The following ARL3 variants were observed in gnomAD, a reference collection of about 807,000 sequenced individuals.
ARL3 encodes the protein ARF like GTPase 3.
Under a neutral mutation model 26.0 loss-of-function variants are expected in ARL3, and 9 were observed. The observed-to-expected ratio is 0.35, with a 90% CI of 0.21 to 0.60. The LOEUF is 0.60. Ranked by LOEUF, ARL3 falls within the 20% of genes least tolerant of loss-of-function variation. The pLI is 0.78. For missense variants in ARL3, 158 were observed against 215.7 expected (o/e 0.73, Z 1.67); for synonymous variants, 71 against 78.4 (o/e 0.91, Z 0.50).
At position 102,691,005 on chromosome 10, in the gene ARL3, AC is replaced by A. The variant is rs1434112370; in HGVS notation, c.265-1063del. Among the ~76,000 whole-genome samples, 5 of 151,314 alleles carry A rather than the reference AC, an allele frequency of 3.3e-5. No individual in the cohort carries two copies. The East Asian group carries it at 9.7e-4, about 29-fold the overall frequency. On this transcript the variant is annotated intron_variant, in intron 3 of 5. Transcript: ENST00000260746. ...TGAGTAGTTGAGATTACAGGCATGC[AC>A]CACCAGACACAGTTTAGAGAACCAT...
chr10:102,707,057 G>A (rs1387519709), intron 1 of ARL3, among the ~76,000 whole-genome samples: 1 of 152,086 alleles, frequency 6.6e-6, no homozygotes, highest in East Asian at 1.9e-4. Context: ...CACTTTGGGA[G>A]GCCAAGGCAG....
rs770491993 is a variant in ARL3 at position 102,685,993 on chromosome 10, C to T, written c.324G>A (p.Ala108=). 5.7e-5 allele frequency: 92 copies of T among 1,612,498 alleles called. No homozygotes were observed. Among genetic ancestry groups the T allele is most frequent in the South Asian group, 7.7e-5 (7 of 90,916 alleles). Residue 108 remains alanine, a synonymous_variant, in exon 5 of 6, where the codon GCG becomes GCA. Transcript: ENST00000260746. ...KRFEETGQEL[A]ELLEEEKLSC... is the part of the protein sequence containing the mutation. ...TTAGTTTTTCTTCCTCCAGTAATTC[C>T]GCTAGTTCCTGGATTTTGAGAAGGG...
intron 4 of ARL3, among the ~76,000 whole-genome samples, chr10:102,689,334 G>T (rs1272472305): frequency 1.3e-5 from 2 of 150,082 alleles, no homozygotes; most frequent in Non-Finnish European, 3.0e-5. Context: ...TTGGAGGGGG[G>T]AAAAAAAAAC....
rs1564734309 is a variant in ARL3, at chr10:102,708,888, ATAT to A, written c.4-3402_4-3400del. Among the ~76,000 whole-genome samples, 12 of 105,942 alleles carry A rather than the reference ATAT, an allele frequency of 1.1e-4. 1 individual carries two copies. The highest frequency in any genetic ancestry group is 2.0e-4 in the Admixed American group (2 of 9,890). The allele number at this position is 105,942 out of a possible 152,430, so 69.5% of individuals were successfully genotyped here. A position where few individuals can be genotyped will look rare whatever the true frequency, so the allele number is the denominator to read the frequency against. On this transcript the variant is annotated intron_variant, in intron 1 of 5. Transcript: ENST00000260746. ...AAAACAAAAAATAAAACCATATATTATATATATATATATATATATATTTTTTTT... is the reference window on the plus strand; with the variant it reads ...AAAACAAAAAATAAAACCATATATTAATATATATATATATATATTTTTTTT...
chr10:102,710,861 C>T (rs756247129), intron 1 of ARL3, among the ~76,000 whole-genome samples: 2 of 152,140 alleles, frequency 1.3e-5, no homozygotes, highest in African/African-American at 2.4e-5. Flanking sequence ...TTATCTGCCT[C>T]GAAATCAGCT....
chr10:102,711,345 T>C (rs2064338609), intron 1 of ARL3, among the ~76,000 whole-genome samples: 1 of 151,266 alleles, frequency 6.6e-6, no homozygotes, highest in African/African-American at 2.4e-5. Flanking sequence ...TGTATATATA[T>C]ATATATATGT....
chr10:102,690,295 CTTTTTTTTT>C (rs34924011), intron 3 of ARL3, among the ~76,000 whole-genome samples: 1 of 123,724 alleles, frequency 8.1e-6, no homozygotes, highest in Non-Finnish European at 1.7e-5. Context: ...CACTATTTTC[CTTTTTTTTT>C]TTTTTTTTTT....
At chr10:102,693,895 G>C (rs1057369570) in intron 3 of ARL3, among the ~76,000 whole-genome samples, 9 of 152,136 alleles carry the variant, frequency 5.9e-5, no homozygotes, top group African/African-American at 2.2e-4. Context: ...AGCTGGTCTT[G>C]AACTTCTGGA....
chr10:102,685,570 A>G (rs1001093205), intron 5 of ARL3, among the ~76,000 whole-genome samples: 1 of 152,202 alleles, frequency 6.6e-6, no homozygotes, highest in African/African-American at 2.4e-5. Flanking sequence ...GACAATCCTC[A>G]GTCTTCTGTT....
At chr10:102,691,129 C>A (rs2136001097) in intron 3 of ARL3, among the ~76,000 whole-genome samples, 1 of 152,158 alleles carries the variant, frequency 6.6e-6, no homozygotes, top group Non-Finnish European at 1.5e-5. Context: ...CTCTCTTTTT[C>A]TTTTTATTAT....
intron 1 of ARL3, 114 bp downstream of exon 1, chr10:102,714,159 G>A: frequency 2.5e-6 from 3 of 1,217,630 alleles, no homozygotes; most frequent in Non-Finnish European, 3.2e-6. Context: ...CAGATAGCAG[G>A]CTGAGCGACG....
chr10:102,697,049 C>T (rs1011381508), intron 3 of ARL3, among the ~76,000 whole-genome samples: 4 of 152,036 alleles, frequency 2.6e-5, no homozygotes, highest in Non-Finnish European at 5.9e-5. Context: ...AACCTGTACA[C>T]GAAGTTACTG....
Position 102,676,796 on chromosome 10 carries a change from A to T in ARL3, c.*98T>A. ...CCTCTCTTCAAACAGCTGGAGCTGT[A>T]CACAGATGGAAAAACATTTGGTCAG... On this transcript the variant is annotated 3_prime_UTR_variant, in exon 6 of 6. Coordinates refer to ENST00000260746, the MANE Select transcript of ARL3 (RefSeq NM_004311.4). 7.8e-7 allele frequency: 1 copy of T among 1,288,874 alleles called. No homozygotes were observed. The highest frequency in any genetic ancestry group is 1.2e-5 in the South Asian group (1 of 81,686). The allele number at this position is 1,288,874 out of a possible 1,614,324, so 79.8% of individuals were successfully genotyped here. A position where few individuals can be genotyped will look rare whatever the true frequency, so the allele number is the denominator to read the frequency against.
intron 3 of ARL3, among the ~76,000 whole-genome samples, chr10:102,691,334 C>A (rs1320437018): frequency 1.4e-5 from 2 of 139,884 alleles, no homozygotes. Context: ...CATGTGATCT[C>A]ATTGTTCAAT....
In ARL3 at chr10:102,680,459, G is replaced by A. The variant is rs541052976; in HGVS notation, c.502-3518C>T. Among the ~76,000 whole-genome samples the A allele has an allele frequency of 7.9e-5, 12 of 152,212 alleles. No homozygotes were observed. The South Asian group carries it at 2.5e-3, about 32-fold the overall frequency. On this transcript the variant is annotated intron_variant, in intron 5 of 5. Coordinates refer to ENST00000260746, the MANE Select transcript of ARL3 (RefSeq NM_004311.4). ...GAATTTCAAATACTGAGCTTTGTTTGGCCTCCTAGAGAGGAAATAAAGTTT... is the reference window on the plus strand; with the variant it reads ...GAATTTCAAATACTGAGCTTTGTTTAGCCTCCTAGAGAGGAAATAAAGTTT...
At chr10:102,683,568 C>G (rs1210807735) in intron 5 of ARL3, among the ~76,000 whole-genome samples, 2 of 152,140 alleles carry the variant, frequency 1.3e-5, no homozygotes, top group African/African-American at 4.8e-5. Flanking sequence ...AACTTGGTTG[C>G]TGAAGGCCCC....
At chr10:102,679,725 G>C (rs2064146099) in intron 5 of ARL3, among the ~76,000 whole-genome samples, 1 of 152,208 alleles carries the variant, frequency 6.6e-6, no homozygotes, top group Non-Finnish European at 1.5e-5. Context: ...TAGTGCCAGA[G>C]GTTGTTATGG....
At chr10:102,697,589 G>A (rs959620732) in intron 3 of ARL3, among the ~76,000 whole-genome samples, 6 of 152,184 alleles carry the variant, frequency 3.9e-5, no homozygotes, top group African/African-American at 1.4e-4. Flanking sequence ...GAGAATTCCA[G>A]GCTAGAGATG....
At chr10:102,683,193 T>C (rs1458131855) in intron 5 of ARL3, among the ~76,000 whole-genome samples, 3 of 152,094 alleles carry the variant, frequency 2.0e-5, no homozygotes, top group African/African-American at 7.2e-5. Flanking sequence ...CTTAGGGAGG[T>C]ACACGGTCAA....
Sources: gnomAD v4.1 joint callset for allele counts (sites outside exome capture counted in the v4.1 genomes callset) on GRCh38, gnomAD v4.1.1 for gene constraint, MANE v1.5 for transcripts, NCBI Gene and HGNC (gene_info 2026-07-23, HGNC 2026-07-21) for gene names.